The following FCHO2 variants were observed in gnomAD, a reference collection of about 807,000 sequenced individuals.
The protein encoded by FCHO2 is F-BAR domain only protein 2.
In FCHO2, 43 loss-of-function variants were observed where a neutral mutation model predicts 114.1. The observed-to-expected ratio is 0.38, with a 90% CI of 0.30 to 0.49. The LOEUF (loss-of-function observed/expected upper bound fraction) is 0.49, where lower values mean the gene tolerates loss of function less well. Ranked by LOEUF, FCHO2 falls within the 20% of genes least tolerant of loss-of-function variation. The probability of loss-of-function intolerance (pLI) is 0.97; values close to 1 mark genes in which losing one functional copy is unlikely to be tolerated. For synonymous variants in FCHO2, 293 were observed against 315.2 expected (o/e 0.93, Z 0.75); for missense variants, 807 against 950.4 (o/e 0.85, Z 1.98).
intron 11 of FCHO2, among the ~76,000 whole-genome samples, chr5:73,047,226 C>A (rs1192439032): frequency 2.0e-5 from 3 of 152,064 alleles, no homozygotes; most frequent in Non-Finnish European, 2.9e-5. Flanking sequence ...TAAATATATT[C>A]TGGCCCTTTG....
chr5:72,990,957 A>C, intron 5 of FCHO2, 93 bp downstream of exon 5: 396 of 1,356,978 alleles, frequency 2.9e-4, no homozygotes, highest in Middle Eastern at 4.2e-4. Context: ...AAATTATCTC[A>C]TTTTAAAGAT....
intron 2 of FCHO2, among the ~76,000 whole-genome samples, chr5:72,978,778 A>G (rs1215795269): frequency 6.6e-6 from 1 of 152,110 alleles, no homozygotes; most frequent in Non-Finnish European, 1.5e-5. Context: ...TTTGAGATAC[A>G]TTCCACCAAT....
chr5:73,072,772 G>A (rs1319999958), intron 19 of FCHO2, among the ~76,000 whole-genome samples: 1 of 151,946 alleles, frequency 6.6e-6, no homozygotes, highest in Non-Finnish European at 1.5e-5. Flanking sequence ...TAGGGTTTCC[G>A]TTTTATAAGA....
chr5:73,022,031 C>T (rs1755656742), intron 8 of FCHO2, among the ~76,000 whole-genome samples: 1 of 152,136 alleles, frequency 6.6e-6, no homozygotes, highest in South Asian at 2.1e-4. Context: ...TAAGCTAGTA[C>T]ATGGCAGAAA....
In FCHO2 at chr5:72,983,990, A is replaced by G. The variant is rs567798786; in HGVS notation, c.126-5437A>G. Among the ~76,000 whole-genome samples the G allele has an allele frequency of 2.9e-4, 44 of 152,294 alleles. No individual in the cohort carries two copies. The South Asian group carries it at 8.7e-3, about 30-fold the overall frequency. The stretch of plus-strand genomic sequence containing the variant: ...TTTTCCAAGGTGGTTGTATCAGTTT[A>G]CACCACCTTCCATCCTTATTTGAGA... On this transcript the variant is annotated intron_variant, in intron 2 of 25. Coordinates refer to ENST00000430046, the MANE Select transcript of FCHO2 (RefSeq NM_138782.3).
At chr5:72,983,687 C>T (rs1270121788) in intron 2 of FCHO2, among the ~76,000 whole-genome samples, 3 of 151,802 alleles carry the variant, frequency 2.0e-5, no homozygotes, top group African/African-American at 7.3e-5. Flanking sequence ...CACTGTGCCC[C>T]ACCTGATTTA....
chr5:73,035,955 C>G (rs905873892), intron 9 of FCHO2, among the ~76,000 whole-genome samples: 2 of 152,020 alleles, frequency 1.3e-5, no homozygotes, highest in Admixed American at 6.6e-5. Context: ...TGATTCTCCT[C>G]CCTTAGCCTC....
At chr5:73,085,099 C>T (rs62362234) in intron 24 of FCHO2, among the ~76,000 whole-genome samples, 17,912 of 152,240 alleles carry the variant, frequency 0.12, 1,267 homozygotes, top group Non-Finnish European at 0.17. Context: ...GCCTGTAATC[C>T]CAGCACTTTG....
chr5:73,019,392 AT>A lies in FCHO2; in HGVS notation c.796+2086del, dbSNP rs565561704. Among the ~76,000 whole-genome samples the A allele has an allele frequency of 1.2e-3, 190 of 152,240 alleles. 1 individual carries two copies. The highest frequency in any genetic ancestry group is 4.5e-3 in the African/African-American group (188 of 41,542). On this transcript the variant is annotated intron_variant, in intron 8 of 25. Coordinates refer to ENST00000430046, the MANE Select transcript of FCHO2 (RefSeq NM_138782.3). ...GAAACCCTCTACTGAAAATACAAAA[AT>A]TAGCCAGGTTTGGTGGTGCACATCT... is the stretch of plus-strand genomic sequence containing the variant.
intron 2 of FCHO2, among the ~76,000 whole-genome samples, chr5:72,978,001 A>G (rs139743862): frequency 0.12 from 17,907 of 152,264 alleles, 1,263 homozygotes; most frequent in Non-Finnish European, 0.17. Context: ...TACCAGTACC[A>G]TGCTGTTTTG....
In FCHO2 at chr5:72,990,746, T is replaced by C. The variant is rs1282737701; in HGVS notation, c.377T>C (p.Val126Ala). 1 of 1,558,440 alleles carries C rather than the reference T, an allele frequency of 6.4e-7. No homozygotes were observed. The highest frequency in any genetic ancestry group is 1.9e-5 in the Admixed American group (1 of 51,688). The change falls in exon 5 of 26, where the codon GTC becomes GCC. Residue 126 changes from valine (V) to alanine (A), a missense_variant. Val to Ala is a moderately conservative substitution (Grantham distance 64). Transcript: ENST00000430046. ...GAAGTTGCAGGAACTCTGGAAGCTG[T>C]CCAAACCATTCAGAGCATAACTCAG... Reference protein sequence around the residue: ...KEEVAGTLEAVQTIQSITQAL... With the variant: ...KEEVAGTLEAAQTIQSITQAL...
chr5:73,057,416 T>C (rs1273355023), intron 16 of FCHO2, among the ~76,000 whole-genome samples: 3 of 152,176 alleles, frequency 2.0e-5, no homozygotes, highest in South Asian at 2.1e-4. Flanking sequence ...GGCTTTATCA[T>C]ACGAGGTATA....
rs1756799952 is a variant in FCHO2, at chr5:73,041,396, G to T, written c.939+81G>T. The T allele has an allele frequency of 4.9e-6, 4 of 811,612 alleles. No individual in the cohort carries two copies. In the South Asian group the frequency reaches 5.2e-5, roughly 11 times the overall value. 50.3% of individuals were successfully genotyped at this position (811,612 alleles called of 1,614,324 possible). ...AAACCTAACACATTTGAGTTGAGTT[G>T]TTACCAGTCTTTCAAAGAAAAATAC... On this transcript the variant is annotated intron_variant, in intron 11 of 25. Transcript: ENST00000430046.
At position 73,015,711 on chromosome 5, in the gene FCHO2, T is replaced by G. The variant is rs1249154250; in HGVS notation, c.686T>G (p.Leu229Trp). 5 of 1,577,170 alleles carry G rather than the reference T, an allele frequency of 3.2e-6. No homozygotes were observed. In the Admixed American group the frequency reaches 9.9e-5, roughly 31 times the overall value. The stretch of plus-strand genomic sequence containing the variant: ...TCAAATGCTATAAAGGAAATTCATT[T>G]GCAGATAGGCCAGGTAAGTTTTTTT... ...SLSNAIKEIH[L>W]QIGQVHEEFI... The change falls in exon 7 of 26, where the codon TTG becomes TGG. Residue 229 changes from leucine (L) to tryptophan (W), a missense_variant. Transcript: ENST00000430046.
At chr5:73,052,589 C>T in intron 13 of FCHO2, 82 bp downstream of exon 13, 1 of 1,098,266 alleles carries the variant, frequency 9.1e-7, no homozygotes, top group South Asian at 1.7e-5. Flanking sequence ...CATTACTTAG[C>T]AATTGTTAAG....
chr5:73,055,205 T>G, intron 15 of FCHO2: 1 of 211,418 alleles, frequency 4.7e-6, no homozygotes, highest in Admixed American at 4.7e-5. Context: ...AGCTTAATGA[T>G]AGGGGGTGTG....
chr5:72,991,175 C>T (rs903680380), intron 5 of FCHO2, among the ~76,000 whole-genome samples: 3 of 152,164 alleles, frequency 2.0e-5, no homozygotes, highest in Non-Finnish European at 2.9e-5. Flanking sequence ...AGTGATTCTC[C>T]TGCCTCAGCC....
rs1242672404 is a variant in FCHO2, at chr5:72,990,543, A to G, written c.266A>G (p.Asp89Gly). Residue 89 changes from aspartate to glycine, a missense_variant, in exon 4 of 26, where the codon GAT (aspartate) becomes GGT (glycine). Asp to Gly is a moderately conservative substitution (Grantham distance 94). Transcript: ENST00000430046. The part of the protein sequence containing the change: ...STEKLANCHL[D>G]LVRKLQELIK... Reference sequence around the variant, plus strand: ...GAGAAATTAGCAAATTGTCACTTGGATCTTGTTAGAAAATTACAAGAATTA... The same window carrying G: ...GAGAAATTAGCAAATTGTCACTTGGGTCTTGTTAGAAAATTACAAGAATTA... The G allele has an allele frequency of 2.6e-6, 4 of 1,541,202 alleles. No homozygotes were observed. Among genetic ancestry groups the G allele is most frequent in the Non-Finnish European group, 3.5e-6 (4 of 1,144,368 alleles).
chr5:72,978,006 G>A (rs1159312391), intron 2 of FCHO2, among the ~76,000 whole-genome samples: 1 of 152,186 alleles, frequency 6.6e-6, no homozygotes, highest in East Asian at 1.9e-4. Context: ...GTACCATGCT[G>A]TTTTGGTTAC....
Sources: allele counts gnomAD v4.1 joint callset (sites outside exome capture counted in the v4.1 genomes callset), GRCh38; gene constraint gnomAD v4.1.1; transcripts MANE v1.5; gene names NCBI Gene and HGNC (gene_info 2026-07-23, HGNC 2026-07-21).